ABCB1: variants seen among roughly 807,000 people sequenced by gnomAD.
The protein encoded by ABCB1 is ATP binding cassette subfamily B member 1, also known as ATP-dependent translocase ABCB1.
In ABCB1, 69 loss-of-function variants were observed where a neutral mutation model predicts 142.0. The ratio of observed to expected loss-of-function variants is 0.49; its 90% CI spans 0.40 to 0.59. The LOEUF is 0.59. Among genes scored for constraint, ABCB1 ranks in the 20% least tolerant of loss-of-function variants. The pLI is 0.00. For missense variants in ABCB1, 1,326 were observed against 1,554.7 expected (o/e 0.85, Z 2.47); for synonymous variants, 532 against 539.2 (o/e 0.99, Z 0.18).
At chr7:87,700,143 TA>T (rs1431182293) in intron 1 of ABCB1, among the ~76,000 whole-genome samples, 3 of 152,164 alleles carry the variant, frequency 2.0e-5, no homozygotes, top group Non-Finnish European at 4.4e-5. Flanking sequence ...AATGGCAAGA[TA>T]TTTCTAGTGT....
rs773368293 is a variant in ABCB1 at position 87,550,256 on chromosome 7, G to A, written c.1265C>T (p.Thr422Met). Residue 422 changes from threonine to methionine, a missense_variant, in exon 12 of 28, where the codon ACG becomes ATG. By Grantham distance (81) the Thr-to-Met change is moderately conservative. Coordinates refer to ENST00000622132, the MANE Select transcript of ABCB1 (RefSeq NM_001348946.2). ...GLNLKVQSGQ[T>M]VALVGNSGCG... ...GCCACTGTTTCCAACCAGGGCCACC[G>A]TCTGCCCACTCTGCACCTTCAGGTT... 80 of 1,614,042 alleles carry A rather than the reference G, an allele frequency of 5.0e-5. No individual in the cohort carries two copies. Among genetic ancestry groups the A allele is most frequent in the Non-Finnish European group, 6.2e-5 (73 of 1,180,034 alleles).
At chr7:87,514,115 G>T (rs557434578) in intron 25 of ABCB1, among the ~76,000 whole-genome samples, 1 of 152,260 alleles carries the variant, frequency 6.6e-6, no homozygotes, top group Non-Finnish European at 1.5e-5. Context: ...AAGAGTGACC[G>T]CTGTGAGGAA....
chr7:87,568,822 T>C (rs1342676170), intron 5 of ABCB1, among the ~76,000 whole-genome samples: 5 of 152,222 alleles, frequency 3.3e-5, no homozygotes, highest in African/African-American at 9.6e-5. Context: ...GTTCATTATA[T>C]AGCAAGAGAT....
intron 21 of ABCB1, among the ~76,000 whole-genome samples, chr7:87,524,599 G>T (rs567095346): frequency 5.9e-5 from 9 of 152,038 alleles, no homozygotes; most frequent in Admixed American, 1.3e-4. Context: ...TAGAGGGAAG[G>T]GGGGAGGGAT....
In ABCB1 at chr7:87,626,235, GTGTCATATATA is replaced by G. The variant is rs1400035971; in HGVS notation, c.-330-25168_-330-25158del. Among the ~76,000 whole-genome samples, 5 of 56,646 alleles carry G rather than the reference GTGTCATATATA, an allele frequency of 8.8e-5. 1 individual carries two copies. The highest frequency in any genetic ancestry group is 1.3e-4 in the Non-Finnish European group (3 of 23,796). 37.2% of individuals were successfully genotyped at this position (56,646 alleles called of 152,430 possible). A position where few individuals can be genotyped will look rare whatever the true frequency, so the allele number is the denominator to read the frequency against. ...TGTGTCATATATATGTCATATATAT[GTGTCATATATA>G]TGTCATATATATGTGTCATATATGT... On this transcript the variant is annotated intron_variant, in intron 1 of 28. Coordinates refer to the ABCB1 transcript ENST00000265724.
At chr7:87,563,952 G>A (rs1225489370) in intron 7 of ABCB1, among the ~76,000 whole-genome samples, 3 of 152,098 alleles carry the variant, frequency 2.0e-5, no homozygotes, top group East Asian at 3.9e-4. Flanking sequence ...TTATAAGTGG[G>A]AGCTAAATGA....
chr7:87,539,587 A>T (rs1218836473), intron 18 of ABCB1, among the ~76,000 whole-genome samples: 1 of 152,212 alleles, frequency 6.6e-6, no homozygotes, highest in Non-Finnish European at 1.5e-5. Context: ...GCCCACAGTT[A>T]TAAGGTCACA....
At chr7:87,672,371 T>C (rs1276167570) in intron 1 of ABCB1, among the ~76,000 whole-genome samples, 2 of 152,088 alleles carry the variant, frequency 1.3e-5, no homozygotes, top group Non-Finnish European at 2.9e-5. Flanking sequence ...CCAAACAGCA[T>C]AGATGGTGGC....
intron 14 of ABCB1, among the ~76,000 whole-genome samples, chr7:87,548,193 AGG>A (rs1816885184): frequency 9.3e-6 from 1 of 107,402 alleles, no homozygotes; most frequent in Non-Finnish European, 1.9e-5. Context: ...AGGGAAAGGA[AGG>A]GAAGGGAAGG....
chr7:87,551,530 T>TG (rs1157529652), intron 9 of ABCB1, among the ~76,000 whole-genome samples: 11 of 152,004 alleles, frequency 7.2e-5, no homozygotes, highest in Non-Finnish European at 1.3e-4. Context: ...CTTGCTTTGT[T>TG]GCCCAGCCTG....
At chr7:87,674,920 G>A (rs530154471) in intron 1 of ABCB1, among the ~76,000 whole-genome samples, 1 of 152,162 alleles carries the variant, frequency 6.6e-6, no homozygotes, top group African/African-American at 2.4e-5. Context: ...TGGGGGAGGG[G>A]CATCCTTGGA....
chr7:87,636,071 A>G (rs1821735655), intron 1 of ABCB1, among the ~76,000 whole-genome samples: 1 of 152,108 alleles, frequency 6.6e-6, no homozygotes, highest in East Asian at 1.9e-4. Flanking sequence ...TTGTGATGAT[A>G]TGTACATTTT....
At chr7:87,688,140 A>G (rs1382377341) in intron 1 of ABCB1, among the ~76,000 whole-genome samples, 1 of 152,158 alleles carries the variant, frequency 6.6e-6, no homozygotes, top group Non-Finnish European at 1.5e-5. Flanking sequence ...TAAGTTATGT[A>G]CTTGGAAATT....
At chr7:87,655,198 A>G (rs968948746) in intron 1 of ABCB1, among the ~76,000 whole-genome samples, 2 of 152,144 alleles carry the variant, frequency 1.3e-5, no homozygotes, top group Non-Finnish European at 2.9e-5. Flanking sequence ...ACCTCCATGT[A>G]AACCAGCAAT....
intron 1 of ABCB1, among the ~76,000 whole-genome samples, chr7:87,709,941 G>A (rs1829917745): frequency 6.6e-6 from 1 of 152,126 alleles, no homozygotes; most frequent in African/African-American, 2.4e-5. Context: ...CTGTGATTCT[G>A]TGCTAGAATA....
At chr7:87,669,827 G>A (rs1336944596) in intron 1 of ABCB1, among the ~76,000 whole-genome samples, 1 of 152,180 alleles carries the variant, frequency 6.6e-6, no homozygotes, top group Non-Finnish European at 1.5e-5. Context: ...TAGGGTTTCA[G>A]CTGAGAGGTC....
At chr7:87,640,236 A>AT (rs1174641089) in intron 1 of ABCB1, among the ~76,000 whole-genome samples, 20 of 150,476 alleles carry the variant, frequency 1.3e-4, no homozygotes, top group Non-Finnish European at 2.8e-4. Flanking sequence ...TTATTACCAT[A>AT]TTTTTTTACA....
intron 19 of ABCB1, 112 bp from the exon 20 acceptor site, chr7:87,536,653 AC>A: frequency 1.2e-6 from 1 of 844,780 alleles, no homozygotes; most frequent in Non-Finnish European, 2.0e-6. Flanking sequence ...TGCATTTAGT[AC>A]TCAGGATGTG....
intron 1 of ABCB1, among the ~76,000 whole-genome samples, chr7:87,685,073 CA>C (rs552057859): frequency 6.6e-6 from 1 of 151,612 alleles, no homozygotes; most frequent in East Asian, 1.9e-4. Flanking sequence ...ATCCATTAAA[CA>C]AAAAAAATTG....
Sources: allele counts gnomAD v4.1 joint callset (sites outside exome capture counted in the v4.1 genomes callset), GRCh38; gene constraint gnomAD v4.1.1; transcripts MANE v1.5; gene names NCBI Gene and HGNC (gene_info 2026-07-23, HGNC 2026-07-21).